ZNF341: variants seen among roughly 807,000 people sequenced by gnomAD.
The protein encoded by ZNF341 is zinc finger protein 341.
A neutral mutation model predicts 87.7 loss-of-function variants in ZNF341; 52 were observed. That is an observed-to-expected ratio of 0.59 (90% CI 0.47 to 0.75). ZNF341 has a LOEUF of 0.75. Among genes scored for constraint, ZNF341 ranks in the 30% least tolerant of loss-of-function variants. The probability of loss-of-function intolerance (pLI) is 0.00; values close to 1 mark genes in which losing one functional copy is unlikely to be tolerated. For synonymous variants in ZNF341, 459 were observed against 472.7 expected, an observed-to-expected ratio of 0.97 and a Z score of 0.38; for missense variants, 977 against 1,145.9, an observed-to-expected ratio of 0.85 and a Z score of 2.13.
intron 9 of ZNF341, among the ~76,000 whole-genome samples, chr20:33,767,277 G>A (rs963166518): frequency 3.0e-4 from 45 of 152,262 alleles, no homozygotes; most frequent in Middle Eastern, 3.4e-3. Context: ...TCCACCCAGC[G>A]TAAGGACTCT....
At chr20:33,752,652 C>CTTTTTTTTTTTTT (rs956277736) in intron 4 of ZNF341, 5 of 175,456 alleles carry the variant, frequency 2.8e-5, no homozygotes, top group Admixed American at 1.3e-4. Context: ...ATTTTCTTTT[C>CTTTTTTTTTTTTT]TTTTTTTTTT....
chr20:33,760,122 G>A lies in ZNF341; in HGVS notation c.1028+1316G>A, dbSNP rs1244985965. On this transcript the variant is annotated intron_variant, in intron 7 of 14. Coordinates refer to ENST00000375200, the MANE Select transcript of ZNF341 (RefSeq NM_001282933.2). ...GTAGCGATAGAAATGCTCAAATTGG[G>A]TTGGGCATGGTGGCTCACGCCTGTA... is the stretch of plus-strand genomic sequence containing the variant. Among the ~76,000 whole-genome samples, 3 of 152,354 alleles carry A rather than the reference G, an allele frequency of 2.0e-5. No homozygotes were observed. The South Asian group carries it at 6.2e-4, about 32-fold the overall frequency.
chr20:33,776,699 T>C (rs1259823467), intron 10 of ZNF341, among the ~76,000 whole-genome samples: 1 of 152,040 alleles, frequency 6.6e-6, no homozygotes, highest in Admixed American at 6.5e-5. Context: ...TTTATTTTTT[T>C]AGAGACAGAG....
intron 2 of ZNF341, among the ~76,000 whole-genome samples, chr20:33,744,339 T>C (rs894739892): frequency 3.3e-5 from 5 of 151,468 alleles, no homozygotes; most frequent in Admixed American, 2.6e-4. Flanking sequence ...AAAGACTTCT[T>C]GGAAGAGGTG....
chr20:33,781,503 G>A, intron 11 of ZNF341, 116 bp downstream of exon 11: 1 of 845,058 alleles, frequency 1.2e-6, no homozygotes, highest in Admixed American at 2.1e-5. Flanking sequence ...ACGCAGGCAG[G>A]GCTCAGGGGC....
rs75053547 is a variant in ZNF341 at position 33,770,290 on chromosome 20, C to G, written c.1620C>G (p.Tyr540Ter). 7.4e-7 allele frequency: 1 copy of G among 1,345,948 alleles called. No individual in the cohort carries two copies. The highest frequency in any genetic ancestry group is 9.9e-7 in the Non-Finnish European group (1 of 1,009,012). 83.4% of individuals were successfully genotyped at this position (1,345,948 alleles called of 1,614,324 possible). ...GCCCCAAGAAGGACAATGCCGTCTA[C>G]AAGTAAGTGCCTCCTGCTTCCCTCT... ...QHSPKKDNAV[Y>*]KCVKCVNKYS... The change falls in exon 10 of 15, where the codon TAC becomes TAG. Residue 540 changes from tyrosine to a stop codon, truncating the protein, a stop_gained and splice_region_variant. Coordinates refer to ENST00000375200, the MANE Select transcript of ZNF341 (RefSeq NM_001282933.2). LOFTEE classifies it high-confidence loss of function.
chr20:33,764,307 G>A (rs1465168203), intron 8 of ZNF341, among the ~76,000 whole-genome samples: 98 of 150,646 alleles, frequency 6.5e-4, no homozygotes, highest in Non-Finnish European at 2.7e-4. Flanking sequence ...GATTACAGGC[G>A]TGAGCCACTG....
chr20:33,791,439 T>C lies in ZNF341; in HGVS notation c.2487T>C (p.Ala829=). ...CTGAGGGGCTGGGCTCCAACCTGGCTCTGGCGGAGCTGCAGGCTGGGGCCG... is the reference window on the plus strand; with the variant it reads ...CTGAGGGGCTGGGCTCCAACCTGGCCCTGGCGGAGCTGCAGGCTGGGGCCG... ...GHAEGLGSNL[A]LAELQAGAEG... is the part of the protein sequence containing the mutation. Residue 829 remains alanine (A), a synonymous_variant, in exon 15 of 15, where the codon GCT becomes GCC. Coordinates refer to ENST00000375200, the MANE Select transcript of ZNF341 (RefSeq NM_001282933.2). 1 of 1,610,066 alleles carries C rather than the reference T, an allele frequency of 6.2e-7. No homozygotes were observed. Among genetic ancestry groups the C allele is most frequent in the Non-Finnish European group, 8.5e-7 (1 of 1,179,408 alleles).
chr20:33,764,562 T>TATATATATATATATATA (rs1491532951), intron 8 of ZNF341, among the ~76,000 whole-genome samples: 87 of 40,212 alleles, frequency 2.2e-3, no homozygotes, highest in East Asian at 8.7e-3. Context: ...TATATATATA[T>TATATATATATATATATA]TTTTTTTTTT....
chr20:33,789,040 A>G, intron 13 of ZNF341, 66 bp downstream of exon 13: 35 of 851,964 alleles, frequency 4.1e-5, no homozygotes, highest in Middle Eastern at 3.0e-4. Flanking sequence ...GCTGCTGGGG[A>G]GGGTGGGACA....
intron 11 of ZNF341, among the ~76,000 whole-genome samples, chr20:33,782,927 G>C (rs994917363): frequency 1.3e-5 from 2 of 152,040 alleles, no homozygotes; most frequent in African/African-American, 2.4e-5. Flanking sequence ...AGGCTGAGGC[G>C]GGTGGATCAC....
chr20:33,743,065 C>G, intron 2 of ZNF341, among the ~76,000 whole-genome samples: 1 of 145,008 alleles, frequency 6.9e-6, no homozygotes. Context: ...GAGTTTTGCT[C>G]ATGTTGCCCA....
At chr20:33,735,387 T>G (rs1232873243) in intron 1 of ZNF341, among the ~76,000 whole-genome samples, 1 of 151,988 alleles carries the variant, frequency 6.6e-6, no homozygotes, top group African/African-American at 2.4e-5. Context: ...AAAGCTGGAG[T>G]GCAGTAGTGC....
chr20:33,765,371 T>C (rs545281385), intron 8 of ZNF341, among the ~76,000 whole-genome samples: 1 of 152,040 alleles, frequency 6.6e-6, no homozygotes, highest in East Asian at 1.9e-4. Context: ...ACTCCTTTTT[T>C]TTTTCTTTAA....
At chr20:33,785,302 A>G (rs1301614702) in intron 12 of ZNF341, among the ~76,000 whole-genome samples, 1 of 152,058 alleles carries the variant, frequency 6.6e-6, no homozygotes, top group Non-Finnish European at 1.5e-5. Flanking sequence ...GTTTTACAAA[A>G]CAGTGTTTTC....
At position 33,753,187 on chromosome 20, in the gene ZNF341, C is replaced by T; in HGVS notation, c.505C>T (p.His169Tyr). The T allele has an allele frequency of 6.2e-7, 1 of 1,612,118 alleles. No homozygotes were observed. Among genetic ancestry groups the T allele is most frequent in the Non-Finnish European group, 8.5e-7 (1 of 1,180,012 alleles). The change falls in exon 5 of 15, where the codon CAT becomes TAT. Residue 169 changes from histidine to tyrosine, a missense_variant. By Grantham distance (83) the His-to-Tyr change is moderately conservative. Transcript: ENST00000375200. Reference protein sequence around the residue: ...PPPVQSSLNMHSVPSYLTQPP... With the variant: ...PPPVQSSLNMYSVPSYLTQPP... ...CTGATTTCAGAGCAGCCTGAACATG[C>T]ATTCCGTGCCCAGCTACCTCACCCA...
chr20:33,782,266 C>G (rs954910363), intron 11 of ZNF341, among the ~76,000 whole-genome samples: 2 of 152,188 alleles, frequency 1.3e-5, no homozygotes, highest in African/African-American at 4.8e-5. Context: ...ATTGACATAA[C>G]AAAAGCCTCT....
chr20:33,743,305 T>G (rs1187269647), intron 2 of ZNF341, among the ~76,000 whole-genome samples: 1 of 150,380 alleles, frequency 6.6e-6, no homozygotes, highest in Non-Finnish European at 1.5e-5. Flanking sequence ...ACTGCTGGGA[T>G]TACAGGCGTG....
Position 33,789,536 on chromosome 20 carries a change from T to C in ZNF341, c.1983T>C (p.Ser661=). Residue 661 remains serine (S), a synonymous_variant, in exon 14 of 15, where the codon AGT becomes AGC. Coordinates refer to ENST00000375200, the MANE Select transcript of ZNF341 (RefSeq NM_001282933.2). ...GTTTTAGGACGCACACAGGCTGCAG[T>C]AAGGAGTTCAACCGGCCGGACAAGC... ...KCPFSTHTGC[S]KEFNRPDKLK... is the part of the protein sequence containing the mutation. 3 of 1,613,932 alleles carry C rather than the reference T, an allele frequency of 1.9e-6. No individual in the cohort carries two copies. Among genetic ancestry groups the C allele is most frequent in the South Asian group, 1.1e-5 (1 of 91,082 alleles).
Sources: gnomAD v4.1 joint callset for allele counts (sites outside exome capture counted in the v4.1 genomes callset) on GRCh38, gnomAD v4.1.1 for gene constraint, MANE v1.5 for transcripts, NCBI Gene and HGNC (gene_info 2026-07-23, HGNC 2026-07-21) for gene names.